WDR1: variants seen among roughly 807,000 people sequenced by gnomAD.
WDR1 encodes the protein WD repeat-containing protein 1.
Under a neutral mutation model 71.9 loss-of-function variants are expected in WDR1, and 21 were observed. That is an observed-to-expected ratio of 0.29 (90% CI 0.21 to 0.42). WDR1 has a LOEUF of 0.42. WDR1 is among the 10% of genes least tolerant of loss of function. The pLI is 1.00. For synonymous variants in WDR1, 424 were observed against 347.4 expected (o/e 1.22, Z -2.45); for missense variants, 696 against 824.5 (o/e 0.84, Z 1.91).
chr4:10,091,053 A>C (rs1711945306), intron 5 of WDR1, among the ~76,000 whole-genome samples: 1 of 152,192 alleles, frequency 6.6e-6, no homozygotes, highest in African/African-American at 2.4e-5. Flanking sequence ...TGCCCCCCGC[A>C]CCTGGGTGCT....
intron 5 of WDR1, chr4:10,093,158 A>G: frequency 7.8e-7 from 1 of 1,288,890 alleles, no homozygotes; most frequent in African/African-American, 1.5e-5. Context: ...CAGCACACAC[A>G]TGCTCACTAC....
chr4:10,114,767 G>C (rs1401190230), intron 2 of WDR1, among the ~76,000 whole-genome samples: 1 of 152,166 alleles, frequency 6.6e-6, no homozygotes, highest in African/African-American at 2.4e-5. Context: ...GGCTTTCTAG[G>C]AATCTGTGTG....
intron 10 of WDR1, among the ~76,000 whole-genome samples, chr4:10,082,514 T>C (rs1765058713): frequency 6.6e-6 from 1 of 152,182 alleles, no homozygotes; most frequent in Admixed American, 6.5e-5. Context: ...ACTGCTACTC[T>C]CCTAGCTCCA....
At chr4:10,076,449 C>A (rs1157782317) in intron 14 of WDR1, 2 of 152,280 alleles carry the variant, frequency 1.3e-5, no homozygotes, top group Non-Finnish European at 2.9e-5. Flanking sequence ...ACCTCCTAAT[C>A]TCTATCTGAC....
intron 5 of WDR1, chr4:10,093,167 A>G: frequency 7.8e-7 from 1 of 1,288,412 alleles, no homozygotes; most frequent in Non-Finnish European, 1.0e-6. Flanking sequence ...CATGCTCACT[A>G]CCTACCTAGT....
At chr4:10,092,255 G>A (rs1712042175) in intron 5 of WDR1, 1 of 152,252 alleles carries the variant, frequency 6.6e-6, no homozygotes, top group Non-Finnish European at 1.5e-5. Context: ...AATCACCCAA[G>A]CCCAGATGAG....
intron 3 of WDR1, among the ~76,000 whole-genome samples, chr4:10,103,049 G>C (rs1712775721): frequency 6.6e-6 from 1 of 152,102 alleles, no homozygotes; most frequent in Admixed American, 6.6e-5. Context: ...CTGCGTCAAA[G>C]AACTAAGTAA....
chr4:10,092,505 G>T, intron 5 of WDR1: 1 of 154,430 alleles, frequency 6.5e-6, no homozygotes, highest in Non-Finnish European at 1.4e-5. Context: ...GCTCTGGCAG[G>T]GTGGTGTCAT....
intron 8 of WDR1, among the ~76,000 whole-genome samples, chr4:10,086,211 C>G (rs1448204915): frequency 6.6e-6 from 1 of 152,224 alleles, no homozygotes; most frequent in African/African-American, 2.4e-5. Flanking sequence ...TCGACAAGAG[C>G]CCTCAGCTCC....
chr4:10,097,658 T>C (rs1712424823), intron 5 of WDR1, 53 bp downstream of exon 5: 8 of 1,567,574 alleles, frequency 5.1e-6, no homozygotes, highest in Non-Finnish European at 6.9e-6. Flanking sequence ...GCTCAGCCTC[T>C]GCTAGCCTCA....
At position 10,074,808 on chromosome 4, in the gene WDR1, G is replaced by GA. The variant is rs1249842391; in HGVS notation, c.*569dup. On this transcript the variant is annotated 3_prime_UTR_variant, in exon 15 of 15. Transcript: ENST00000499869. ...AAAATCAAGCACAAAATCTGACAAT[G>GA]AAACATATCCAGGGGTTGTGTGTCC... 2.0e-5 allele frequency: 3 copies of GA among 152,870 alleles called. No individual in the cohort carries two copies. The highest frequency in any genetic ancestry group is 4.4e-5 in the Non-Finnish European group (3 of 68,488). 9.5% of individuals were successfully genotyped at this position (152,870 alleles called of 1,614,324 possible).
chr4:10,104,669 G>A (rs1038100386), intron 2 of WDR1, among the ~76,000 whole-genome samples: 3 of 152,042 alleles, frequency 2.0e-5, no homozygotes, highest in African/African-American at 4.8e-5. Context: ...CCTCCCTCCC[G>A]GCATACACAC....
intron 14 of WDR1, chr4:10,075,726 C>G: frequency 1.8e-6 from 1 of 569,116 alleles, no homozygotes. Context: ...AGCAGCATCC[C>G]TGGCTCCACC....
intron 2 of WDR1, among the ~76,000 whole-genome samples, chr4:10,115,187 G>A (rs1306641494): frequency 2.0e-5 from 3 of 152,196 alleles, no homozygotes; most frequent in South Asian, 2.1e-4. Context: ...TGGCCGGGCC[G>A]GCACCTCCAA....
chr4:10,108,104 T>A (rs921111392), intron 2 of WDR1: 4 of 152,222 alleles, frequency 2.6e-5, no homozygotes, highest in Non-Finnish European at 5.9e-5. Flanking sequence ...AGACTCGCTA[T>A]AATACACAGG....
intron 8 of WDR1, among the ~76,000 whole-genome samples, chr4:10,086,331 G>A (rs368704090): frequency 2.4e-4 from 36 of 152,240 alleles, no homozygotes; most frequent in African/African-American, 7.7e-4. Flanking sequence ...CTCTATCCTC[G>A]AGGCCACGTC....
intron 7 of WDR1, 127 bp downstream of exon 7, chr4:10,088,166 T>TA: frequency 9.6e-7 from 1 of 1,036,370 alleles, no homozygotes; most frequent in South Asian, 1.4e-5. Context: ...TGGGCAGATA[T>TA]AAAACCGCCC....
At chr4:10,089,804 C>A (rs981466581) in intron 5 of WDR1, among the ~76,000 whole-genome samples, 2 of 152,240 alleles carry the variant, frequency 1.3e-5, no homozygotes, top group Non-Finnish European at 2.9e-5. Flanking sequence ...AAAGCATGAG[C>A]TACCTGTGTG....
At chr4:10,080,991 C>T (rs1490316800) in intron 11 of WDR1, among the ~76,000 whole-genome samples, 2 of 152,222 alleles carry the variant, frequency 1.3e-5, no homozygotes, top group African/African-American at 4.8e-5. Flanking sequence ...CACACAGCTA[C>T]AATGCAGCAG....
Sources: gnomAD v4.1 joint callset for allele counts (sites outside exome capture counted in the v4.1 genomes callset) on GRCh38, gnomAD v4.1.1 for gene constraint, MANE v1.5 for transcripts, NCBI Gene and HGNC (gene_info 2026-07-23, HGNC 2026-07-21) for gene names.